LRRIQ3: variants seen among roughly 807,000 people sequenced by gnomAD.
The protein encoded by LRRIQ3 is leucine rich repeats and IQ motif containing 3, also known as leucine-rich repeat and IQ domain-containing protein 3.
A neutral mutation model predicts 59.3 loss-of-function variants in LRRIQ3; 75 were observed. That is an observed-to-expected ratio of 1.26 (90% CI 1.05 to 1.53). The LOEUF (loss-of-function observed/expected upper bound fraction) is 1.53, where lower values mean the gene tolerates loss of function less well. Among genes scored for constraint, LRRIQ3 ranks in the 40% most tolerant of loss-of-function variants. LRRIQ3 has a pLI of 0.00. For synonymous variants in LRRIQ3, 250 were observed against 231.3 expected (o/e 1.08, Z -0.73); for missense variants, 831 against 710.0 (o/e 1.17, Z -1.94).
chr1:74,151,843 A>G (rs1302013006), intron 4 of LRRIQ3, among the ~76,000 whole-genome samples: 1 of 152,188 alleles, frequency 6.6e-6, no homozygotes, highest in Non-Finnish European at 1.5e-5. Flanking sequence ...ACAGTCAGAG[A>G]CAGCAGAAAG....
intron 6 of LRRIQ3, among the ~76,000 whole-genome samples, chr1:74,047,861 C>G (rs1187654920): frequency 6.6e-6 from 1 of 152,148 alleles, no homozygotes; most frequent in East Asian, 1.9e-4. Flanking sequence ...TGGGACCCCT[C>G]AGAAACTGAT....
At chr1:74,073,398 G>T (rs562060682) in intron 6 of LRRIQ3, among the ~76,000 whole-genome samples, 3 of 152,120 alleles carry the variant, frequency 2.0e-5, no homozygotes, top group Non-Finnish European at 4.4e-5. Flanking sequence ...TGTAGTCCCA[G>T]CTACTTAGGA....
In LRRIQ3 at chr1:74,155,826, A is replaced by G. The variant is rs770388465; in HGVS notation, c.614T>C (p.Ile205Thr). The G allele has an allele frequency of 2.6e-6, 4 of 1,561,062 alleles. No individual in the cohort carries two copies. Among genetic ancestry groups the G allele is most frequent in the Non-Finnish European group, 3.5e-6 (4 of 1,152,722 alleles). The change falls in exon 4 of 8, where the codon ATT (isoleucine) becomes ACT (threonine). Residue 205 changes from isoleucine (I) to threonine (T), a missense_variant. Coordinates refer to ENST00000354431, the MANE Select transcript of LRRIQ3 (RefSeq NM_001105659.2). ...YEEEINNIKH[I>T]TSKINAILAH... ...CAGAATTGCATTAATTTTTGAAGTA[A>G]TATGTTTAATATTATTAATTTCCTC... is the stretch of plus-strand genomic sequence containing the variant.
chr1:74,120,673 T>C (rs1482122371), intron 4 of LRRIQ3, among the ~76,000 whole-genome samples: 3 of 151,936 alleles, frequency 2.0e-5, no homozygotes, highest in African/African-American at 7.2e-5. Context: ...ATGTATGGCC[T>C]TAACTTGAAA....
chr1:74,128,119 C>G (rs961322182), intron 4 of LRRIQ3, among the ~76,000 whole-genome samples: 3 of 151,938 alleles, frequency 2.0e-5, no homozygotes, highest in African/African-American at 7.2e-5. Flanking sequence ...TGAATTGTTT[C>G]TTTTCTCTTG....
intron 4 of LRRIQ3, among the ~76,000 whole-genome samples, chr1:74,132,924 G>A (rs953733238): frequency 6.6e-6 from 1 of 152,074 alleles, no homozygotes; most frequent in Non-Finnish European, 1.5e-5. Flanking sequence ...AGAATGAACA[G>A]GCAACCTACA....
intron 4 of LRRIQ3, among the ~76,000 whole-genome samples, chr1:74,154,770 T>C (rs1648219896): frequency 6.6e-6 from 1 of 152,350 alleles, no homozygotes; most frequent in Non-Finnish European, 1.5e-5. Flanking sequence ...TTGATTCTTT[T>C]GCACCTCCTT....
chr1:74,182,749 C>A lies in LRRIQ3; in HGVS notation c.362G>T (p.Cys121Phe), dbSNP rs1650066687. 36 of 1,612,282 alleles carry A rather than the reference C, an allele frequency of 2.2e-5. No homozygotes were observed. The highest frequency in any genetic ancestry group is 2.9e-5 in the Non-Finnish European group (34 of 1,178,708). ...CATAGTGAGGGCAATGAGGGTTGGACAGGCAGATAATACACATATATTCTT... is the reference window on the plus strand; with the variant it reads ...CATAGTGAGGGCAATGAGGGTTGGAAAGGCAGATAATACACATATATTCTT... ...KLKNICVLSA[C>F]PTLIALTMFD... is the part of the protein sequence containing the mutation. The change falls in exon 3 of 8, where the codon TGT (cysteine) becomes TTT (phenylalanine). Residue 121 changes from cysteine (C) to phenylalanine (F), a missense_variant. Physicochemically the swap from Cys to Phe is radical, Grantham distance 205. Coordinates refer to ENST00000354431, the MANE Select transcript of LRRIQ3 (RefSeq NM_001105659.2).
At chr1:74,148,584 T>C (rs1472550424) in intron 4 of LRRIQ3, among the ~76,000 whole-genome samples, 2 of 152,172 alleles carry the variant, frequency 1.3e-5, no homozygotes, top group Non-Finnish European at 2.9e-5. Context: ...GGGTGTGTTG[T>C]GGGGGAAGAA....
In LRRIQ3 at chr1:74,155,758, C is replaced by A; in HGVS notation, c.682G>T (p.Gly228Cys). The change falls in exon 4 of 8, where the codon GGT (glycine) becomes TGT (cysteine). Residue 228 changes from glycine to cysteine, a missense_variant. By Grantham distance (159) the Gly-to-Cys change is radical (BLOSUM62 -3). Coordinates refer to ENST00000354431, the MANE Select transcript of LRRIQ3 (RefSeq NM_001105659.2). ...PVLIVQRWIR[G>C]FLVRKNLSPV... ...CTCAAATTTTTTCTAACTAAGAAAC[C>A]ACGTATCCATCTTTGAACAATCAAA... The A allele has an allele frequency of 3.2e-6, 5 of 1,572,792 alleles. No homozygotes were observed. Among genetic ancestry groups the A allele is most frequent in the Non-Finnish European group, 3.4e-6 (4 of 1,166,282 alleles).
intron 6 of LRRIQ3, among the ~76,000 whole-genome samples, chr1:74,070,058 C>T (rs935977682): frequency 3.3e-5 from 5 of 152,052 alleles, no homozygotes; most frequent in Admixed American, 6.6e-5. Flanking sequence ...CTATGGGAAG[C>T]AGCTTGGTGA....
At chr1:74,056,681 TA>T (rs1238575139) in intron 6 of LRRIQ3, among the ~76,000 whole-genome samples, 2 of 152,118 alleles carry the variant, frequency 1.3e-5, no homozygotes, top group Non-Finnish European at 2.9e-5. Context: ...TTATATAACA[TA>T]AAATACAAAA....
intron 3 of LRRIQ3, among the ~76,000 whole-genome samples, chr1:74,159,205 T>C (rs942974299): frequency 6.6e-6 from 1 of 152,314 alleles, no homozygotes; most frequent in East Asian, 1.9e-4. Flanking sequence ...CCTATTGCAA[T>C]AGTTCCTTTC....
chr1:74,099,020 C>G (rs960410952), intron 5 of LRRIQ3, among the ~76,000 whole-genome samples: 1 of 152,002 alleles, frequency 6.6e-6, no homozygotes, highest in African/African-American at 2.4e-5. Flanking sequence ...CAAACACATT[C>G]AAAAGCTAGC....
chr1:74,046,394 T>C (rs1056657654), intron 6 of LRRIQ3, among the ~76,000 whole-genome samples: 2 of 152,200 alleles, frequency 1.3e-5, no homozygotes, highest in African/African-American at 4.8e-5. Flanking sequence ...CTAGGAAAAC[T>C]GGCTAGCCAT....
intron 4 of LRRIQ3, among the ~76,000 whole-genome samples, chr1:74,124,851 T>C (rs1401620792): frequency 6.6e-6 from 1 of 152,034 alleles, no homozygotes; most frequent in Non-Finnish European, 1.5e-5. Flanking sequence ...GGGTCATTTG[T>C]GGTTCCATAA....
At position 74,121,590 on chromosome 1, in the gene LRRIQ3, T is replaced by C. The variant is rs371404263; in HGVS notation, c.708-12037A>G. ...CAGATCTTCTCATTACTTTTCTGTT[T>C]TTTTAATTATACTTTAAGTTTTAGG... On this transcript the variant is annotated intron_variant, in intron 4 of 7. Transcript: ENST00000354431. 3.1e-4 allele frequency among the ~76,000 whole-genome samples: 47 copies of C among 152,296 alleles called. No individual in the cohort carries two copies. The East Asian group carries it at 7.9e-3, about 26-fold the overall frequency.
intron 4 of LRRIQ3, among the ~76,000 whole-genome samples, chr1:74,152,868 C>G (rs1276381676): frequency 6.6e-6 from 1 of 152,096 alleles, no homozygotes; most frequent in Admixed American, 6.5e-5. Flanking sequence ...GCGGTTTCAT[C>G]TCTTCATAAC....
intron 5 of LRRIQ3, chr1:74,083,905 G>T (rs535907536): frequency 2.1e-4 from 66 of 321,494 alleles, no homozygotes; most frequent in African/African-American, 1.4e-3. Flanking sequence ...TTTTATGATG[G>T]TATGTTTCAT....
Sources: gnomAD v4.1 joint callset for allele counts (sites outside exome capture counted in the v4.1 genomes callset) on GRCh38, gnomAD v4.1.1 for gene constraint, MANE v1.5 for transcripts, NCBI Gene and HGNC (gene_info 2026-07-23, HGNC 2026-07-21) for gene names.